Variants in SLC2A13 observed in about 807,000 individuals in gnomAD.
SLC2A13 encodes the protein solute carrier family 2 member 13.
In SLC2A13, 32 loss-of-function variants were observed where a neutral mutation model predicts 64.4. The ratio of observed to expected loss-of-function variants is 0.50; its 90% CI spans 0.37 to 0.67. The LOEUF (loss-of-function observed/expected upper bound fraction) is 0.67. Among genes scored for constraint, SLC2A13 ranks in the 30% least tolerant of loss-of-function variants. The pLI, the probability that SLC2A13 is intolerant of heterozygous loss-of-function variation, is 0.00. For synonymous variants in SLC2A13, 338 were observed against 327.1 expected, an observed-to-expected ratio of 1.03 and a Z score of -0.36; for missense variants, 743 against 829.2, an observed-to-expected ratio of 0.90 and a Z score of 1.28.
chr12:40,099,605 A>G (rs1341219477), intron 1 of SLC2A13, among the ~76,000 whole-genome samples: 3 of 152,250 alleles, frequency 2.0e-5, no homozygotes, highest in African/African-American at 7.2e-5. Context: ...ACAATTTCAC[A>G]TAACTCACGT....
chr12:39,830,932 T>C (rs1055759149), intron 6 of SLC2A13, among the ~76,000 whole-genome samples: 2 of 152,188 alleles, frequency 1.3e-5, no homozygotes, highest in Non-Finnish European at 2.9e-5. Flanking sequence ...CAGTTACTCA[T>C]TGCTCATTTG....
In SLC2A13 at chr12:40,105,858, A is replaced by G; in HGVS notation, c.-50T>C. 1 of 1,339,598 alleles carries G rather than the reference A, an allele frequency of 7.5e-7. No individual in the cohort carries two copies. Among genetic ancestry groups the G allele is most frequent in the Non-Finnish European group, 9.5e-7 (1 of 1,049,136 alleles). 83.0% of individuals were successfully genotyped at this position (1,339,598 alleles called of 1,614,324 possible). Reference sequence around the variant, plus strand: ...GGGGGACGCGGCTCCGCGGGCCGGCAGTCTCGGCGAGCTAGACAGCCCGAG... The same window carrying G: ...GGGGGACGCGGCTCCGCGGGCCGGCGGTCTCGGCGAGCTAGACAGCCCGAG... On this transcript the variant is annotated 5_prime_UTR_variant, in exon 1 of 10. Transcript: ENST00000280871. This position sits in a 1 kb window ranked among gnomAD's most constrained non-coding sequence, Gnocchi z 4.2.
At chr12:39,969,822 T>C (rs1416254612) in intron 3 of SLC2A13, among the ~76,000 whole-genome samples, 3 of 152,220 alleles carry the variant, frequency 2.0e-5, no homozygotes, top group African/African-American at 7.2e-5. Context: ...CATTTGTCAA[T>C]TTTGGCTTTT....
intron 1 of SLC2A13, among the ~76,000 whole-genome samples, chr12:40,098,131 G>GTA (rs914681574): frequency 4.0e-5 from 6 of 151,804 alleles, no homozygotes; most frequent in South Asian, 2.1e-4. Context: ...ATATAGGTGT[G>GTA]TATATATATA....
intron 2 of SLC2A13, among the ~76,000 whole-genome samples, chr12:40,046,972 G>C (rs1226961598): frequency 6.6e-6 from 1 of 151,360 alleles, no homozygotes; most frequent in Non-Finnish European, 1.5e-5. Flanking sequence ...TACACTCTCA[G>C]CTCACTGCAA....
At chr12:39,883,839 G>A (rs1838411862) in intron 4 of SLC2A13, among the ~76,000 whole-genome samples, 1 of 152,128 alleles carries the variant, frequency 6.6e-6, no homozygotes, top group South Asian at 2.1e-4. Flanking sequence ...AAGAGGTCAG[G>A]AACATGCAGG....
At chr12:39,778,971 G>T (rs1447877832) in intron 7 of SLC2A13, among the ~76,000 whole-genome samples, 1 of 152,108 alleles carries the variant, frequency 6.6e-6, no homozygotes, top group Non-Finnish European at 1.5e-5. Flanking sequence ...ACCACTAATT[G>T]CAGGGAAAAG....
At chr12:39,811,026 G>T (rs1044364318) in intron 7 of SLC2A13, among the ~76,000 whole-genome samples, 3 of 152,014 alleles carry the variant, frequency 2.0e-5, no homozygotes, top group Non-Finnish European at 4.4e-5. Flanking sequence ...TAAATATCTG[G>T]TTTAATTCAC....
rs776023702 is a variant in SLC2A13 at position 39,830,055 on chromosome 12, C to T, written c.1445+48G>A. On this transcript the variant is annotated intron_variant, in intron 7 of 9. Transcript: ENST00000280871. ...ACTCTGAAAACTTAAACATAAGCCT[C>T]GTTTTGAAATATTATTATATATTCG... 1.1e-5 allele frequency: 18 copies of T among 1,610,196 alleles called. No individual in the cohort carries two copies. In the South Asian group the frequency reaches 1.4e-4, roughly 13 times the overall value.
At chr12:40,011,931 C>T (rs990051868) in intron 3 of SLC2A13, among the ~76,000 whole-genome samples, 5 of 152,090 alleles carry the variant, frequency 3.3e-5, no homozygotes, top group African/African-American at 4.8e-5. Context: ...CTGCAGAGGT[C>T]GCGTGTCCAT....
intron 4 of SLC2A13, among the ~76,000 whole-genome samples, chr12:39,896,185 T>C (rs1001239056): frequency 3.4e-5 from 5 of 148,872 alleles, no homozygotes; most frequent in African/African-American, 9.8e-5. Flanking sequence ...TATGTATATA[T>C]GTATATATGT....
chr12:39,947,976 T>C lies in SLC2A13; in HGVS notation c.1034+3281A>G, dbSNP rs556937335. On this transcript the variant is annotated intron_variant, in intron 4 of 9. Transcript: ENST00000280871. ...CGCCTGGCCGAGAATTTCTTGAATTTACTTTAACCATCATCATCTTCATCT... is the reference window on the plus strand; with the variant it reads ...CGCCTGGCCGAGAATTTCTTGAATTCACTTTAACCATCATCATCTTCATCT... 4.6e-5 allele frequency among the ~76,000 whole-genome samples: 7 copies of C among 152,280 alleles called. No homozygotes were observed. The East Asian group carries it at 1.2e-3, about 25-fold the overall frequency.
At chr12:39,920,272 G>A (rs1237868680) in intron 4 of SLC2A13, among the ~76,000 whole-genome samples, 2 of 152,094 alleles carry the variant, frequency 1.3e-5, no homozygotes, top group African/African-American at 4.8e-5. Context: ...TATGTAATAA[G>A]AGACTGCGAA....
At chr12:40,048,939 G>A (rs985322495) in intron 1 of SLC2A13, among the ~76,000 whole-genome samples, 5 of 152,084 alleles carry the variant, frequency 3.3e-5, no homozygotes, top group African/African-American at 1.2e-4. Flanking sequence ...CTACAGAGGT[G>A]GGGGATGAGA....
chr12:39,936,388 G>A (rs1378944399), intron 4 of SLC2A13, among the ~76,000 whole-genome samples: 1 of 152,154 alleles, frequency 6.6e-6, no homozygotes, highest in Admixed American at 6.5e-5. Context: ...TTCTCTAAGA[G>A]AAAGAAGAAG....
chr12:39,992,913 C>T (rs886508264), intron 3 of SLC2A13, among the ~76,000 whole-genome samples: 2 of 152,176 alleles, frequency 1.3e-5, no homozygotes, highest in Non-Finnish European at 2.9e-5. Context: ...ATTTTCCTTT[C>T]CTTAACCAAA....
intron 4 of SLC2A13, among the ~76,000 whole-genome samples, chr12:39,917,551 T>G (rs1490003583): frequency 2.0e-5 from 3 of 152,106 alleles, no homozygotes; most frequent in Non-Finnish European, 2.9e-5. Context: ...ATCAATACAC[T>G]GAGGGCCTTA....
At chr12:39,798,359 A>G (rs573150226) in intron 7 of SLC2A13, among the ~76,000 whole-genome samples, 1 of 152,302 alleles carries the variant, frequency 6.6e-6, no homozygotes, top group African/African-American at 2.4e-5. Context: ...TGAAGTTGTT[A>G]AGTTTTAGAG....
chr12:40,083,134 T>C (rs944805337), intron 1 of SLC2A13, among the ~76,000 whole-genome samples: 3 of 152,196 alleles, frequency 2.0e-5, no homozygotes, highest in Non-Finnish European at 2.9e-5. Context: ...TGTAGTACCT[T>C]ATGTCACAGT....
Sources: allele counts gnomAD v4.1 joint callset (sites outside exome capture counted in the v4.1 genomes callset), GRCh38; gene constraint gnomAD v4.1.1; non-coding constraint Gnocchi (gnomAD v3.1); transcripts MANE v1.5; gene names NCBI Gene and HGNC (gene_info 2026-07-23, HGNC 2026-07-21).